The following SPATA18 variants were observed in gnomAD, a reference collection of about 807,000 sequenced individuals.
SPATA18 encodes the protein spermatogenesis associated 18.
A neutral mutation model predicts 68.1 loss-of-function variants in SPATA18; 54 were observed. The observed-to-expected ratio is 0.79, with a 90% confidence interval of 0.64 to 0.99. The LOEUF (loss-of-function observed/expected upper bound fraction) is 0.99. Ranked by LOEUF, SPATA18 falls within the 50% of genes least tolerant of loss-of-function variation. The pLI is 0.00. For missense variants in SPATA18, 724 were observed against 681.1 expected (o/e 1.06, Z -0.70); for synonymous variants, 242 against 244.8 (o/e 0.99, Z 0.11).
At chr4:52,083,206 G>T (rs374367065) in intron 10 of SPATA18, 2 of 985,238 alleles carry the variant, frequency 2.0e-6, no homozygotes, top group African/African-American at 3.5e-5. Context: ...TTTATGTTAT[G>T]TAGTTTTTAC....
chr4:52,075,628 C>G (rs1274781447), intron 6 of SPATA18, among the ~76,000 whole-genome samples: 2 of 152,166 alleles, frequency 1.3e-5, no homozygotes, highest in African/African-American at 4.8e-5. Context: ...CAGATGGCTC[C>G]TGAGTGATTT....
intron 1 of SPATA18, among the ~76,000 whole-genome samples, chr4:52,053,559 A>G (rs1164980943): frequency 6.6e-6 from 1 of 152,182 alleles, no homozygotes; most frequent in African/African-American, 2.4e-5. Flanking sequence ...CCAACTGCCC[A>G]TTGGACATCT....
intron 10 of SPATA18, chr4:52,083,515 C>T (rs1741133457): frequency 1.0e-6 from 1 of 977,004 alleles, no homozygotes; most frequent in East Asian, 1.1e-4. Flanking sequence ...TTTGGGAAGC[C>T]AAGGCAGGAG....
chr4:52,092,272 A>T (rs1240860557), intron 11 of SPATA18, among the ~76,000 whole-genome samples: 2 of 151,532 alleles, frequency 1.3e-5, no homozygotes, highest in Non-Finnish European at 2.9e-5. Flanking sequence ...AAAAAAAAAA[A>T]GCCCCTGCAG....
rs1432519527 is a variant in SPATA18, at chr4:52,064,660, C to A, written c.422+2328C>A. Reference sequence around the variant, plus strand: ...CCATGGTGTATATATACCACATTTTCTTTATCCACTCCTTGGTTGATGGGC... The same window carrying A: ...CCATGGTGTATATATACCACATTTTATTTATCCACTCCTTGGTTGATGGGC... On this transcript the variant is annotated intron_variant, in intron 4 of 12. Transcript: ENST00000295213. 2.0e-5 allele frequency among the ~76,000 whole-genome samples: 3 copies of A among 152,160 alleles called. No individual in the cohort carries two copies. In the East Asian group the frequency reaches 5.8e-4, roughly 29 times the overall value.
At chr4:52,092,756 AT>A (rs1463695683) in intron 11 of SPATA18, among the ~76,000 whole-genome samples, 1 of 152,120 alleles carries the variant, frequency 6.6e-6, no homozygotes, top group African/African-American at 2.4e-5. Flanking sequence ...TGGATGCTTG[AT>A]TTGGGAGGGA....
At position 52,095,685 on chromosome 4, in the gene SPATA18, G is replaced by A. The variant is rs1454844035; in HGVS notation, c.*798G>A. 6.6e-6 allele frequency: 1 copy of A among 152,128 alleles called. No individual in the cohort carries two copies. Among genetic ancestry groups the A allele is most frequent in the Admixed American group, 6.5e-5 (1 of 15,282 alleles). 9.4% of individuals were successfully genotyped at this position (152,128 alleles called of 1,614,324 possible). ...TATTTCAAACTGTTTTAATGCATGT[G>A]TTATATATAAAAGTTTCTTGGGACA... On this transcript the variant is annotated 3_prime_UTR_variant, in exon 13 of 13. Coordinates refer to ENST00000295213, the MANE Select transcript of SPATA18 (RefSeq NM_145263.4).
Position 52,079,785 on chromosome 4 carries a change from C to T in SPATA18, c.1221C>T (p.Phe407=), listed in dbSNP as rs1010080376. 2 of 1,613,960 alleles carry T rather than the reference C, an allele frequency of 1.2e-6. No homozygotes were observed. The highest frequency in any genetic ancestry group is 4.5e-5 in the East Asian group (2 of 44,870). ...TGAATGTCAATCCCAAGATTTCATT[C>T]CCTCCTGTCGTTGACTTTTGCCTTC... ...RAMNVNPKIS[F]PPVVDFCLLS... Residue 407 remains phenylalanine (F), a synonymous_variant, in exon 9 of 13, where the codon TTC becomes TTT. Transcript: ENST00000295213.
intron 1 of SPATA18, among the ~76,000 whole-genome samples, chr4:52,057,376 T>G (rs1286585796): frequency 6.6e-6 from 1 of 152,206 alleles, no homozygotes; most frequent in Non-Finnish European, 1.5e-5. Context: ...GTGACCCTAT[T>G]GCAACTTGAT....
At chr4:52,066,941 G>A (rs1378995091) in intron 4 of SPATA18, among the ~76,000 whole-genome samples, 1 of 151,978 alleles carries the variant, frequency 6.6e-6, no homozygotes. Context: ...CTTTGCTATT[G>A]TGAATAGTGC....
At chr4:52,081,527 G>A (rs1740916788) in intron 9 of SPATA18, among the ~76,000 whole-genome samples, 1 of 152,300 alleles carries the variant, frequency 6.6e-6, no homozygotes, top group Middle Eastern at 3.4e-3. Flanking sequence ...ACCTTTTAAA[G>A]AAAGTGAACT....
chr4:52,064,183 C>CTATATATATATA (rs71193057), intron 4 of SPATA18, among the ~76,000 whole-genome samples: 47 of 145,974 alleles, frequency 3.2e-4, no homozygotes, highest in Non-Finnish European at 6.0e-4. Context: ...CCTTCTCTTT[C>CTATATATATATA]TATATATATA....
intron 12 of SPATA18, 89 bp downstream of exon 12, chr4:52,094,661 G>C: frequency 7.1e-7 from 1 of 1,402,962 alleles, no homozygotes; most frequent in Non-Finnish European, 1.0e-6. Context: ...TGAATGCTTT[G>C]CTTCCTAGAG....
intron 11 of SPATA18, among the ~76,000 whole-genome samples, chr4:52,092,740 A>T (rs1373908012): frequency 5.9e-5 from 9 of 152,114 alleles, no homozygotes. Context: ...TTCTTTCTGG[A>T]TCTGATGGAT....
chr4:52,082,989 G>C (rs999228854), intron 10 of SPATA18: 1 of 985,406 alleles, frequency 1.0e-6, no homozygotes, highest in African/African-American at 1.7e-5. Context: ...AGAGGGCAGA[G>C]GAGGTGGGAG....
At chr4:52,077,111 C>T (rs1740441807) in intron 7 of SPATA18, 71 bp downstream of exon 7, 1 of 1,481,778 alleles carries the variant, frequency 6.7e-7, no homozygotes, top group Non-Finnish European at 9.0e-7. Context: ...GTGAATGGAA[C>T]AACTTACAAA....
In SPATA18 at chr4:52,096,516, AG is replaced by A. The variant is rs1291957131; in HGVS notation, c.*1630del. ...ATGTATAATTTTAAGCAGTGAACAT[AG>A]TACCCTAACTATAATATAAAGCAGA... is the stretch of plus-strand genomic sequence containing the variant. On this transcript the variant is annotated 3_prime_UTR_variant, in exon 13 of 13. Coordinates refer to ENST00000295213, the MANE Select transcript of SPATA18 (RefSeq NM_145263.4). 1 of 152,200 alleles carries A rather than the reference AG, an allele frequency of 6.6e-6. No homozygotes were observed. Among genetic ancestry groups the A allele is most frequent in the Admixed American group, 6.5e-5 (1 of 15,268 alleles). 9.4% of individuals were successfully genotyped at this position (152,200 alleles called of 1,614,324 possible). A position where few individuals can be genotyped will look rare whatever the true frequency, so the allele number is the denominator to read the frequency against.
chr4:52,060,999 G>C, intron 3 of SPATA18, 102 bp downstream of exon 3: 1 of 884,248 alleles, frequency 1.1e-6, no homozygotes, highest in Non-Finnish European at 1.8e-6. Flanking sequence ...TAGACTGATA[G>C]AGTGTCACAA....
At chr4:52,055,255 A>G (rs943858608) in intron 1 of SPATA18, among the ~76,000 whole-genome samples, 2 of 152,152 alleles carry the variant, frequency 1.3e-5, no homozygotes, top group Non-Finnish European at 2.9e-5. Flanking sequence ...TTTGAAGTTT[A>G]CTTATTTCAG....
Sources: allele counts gnomAD v4.1 joint callset (sites outside exome capture counted in the v4.1 genomes callset), GRCh38; gene constraint gnomAD v4.1.1; transcripts MANE v1.5; gene names NCBI Gene and HGNC (gene_info 2026-07-23, HGNC 2026-07-21).